Variants in GIPR observed in about 807,000 individuals in gnomAD.
GIPR encodes gastric inhibitory polypeptide receptor.
Under a neutral mutation model 62.2 loss-of-function variants are expected in GIPR, and 74 were observed. The observed-to-expected ratio is 1.19, with a 90% CI of 0.99 to 1.44. The LOEUF is 1.44. Ranked by LOEUF, GIPR falls within the 40% of genes most tolerant of loss-of-function variation. The pLI is 0.00. For missense variants in GIPR, 664 were observed against 611.8 expected (o/e 1.09, Z -0.90); for synonymous variants, 256 against 262.2 (o/e 0.98, Z 0.23).
Position 45,669,543 on chromosome 19 carries a change from A to C in GIPR, c.23A>C (p.Gln8Pro). MTTSPIL[Q>P]LLLRLSLCGL... The stretch of plus-strand genomic sequence containing the variant: ...ACGATGACTACCTCTCCGATCCTGC[A>C]GCTGCTGCTGCGGCTCTCACTGTGC... The change falls in exon 2 of 14, where the codon CAG (glutamine) becomes CCG (proline). Residue 8 changes from glutamine to proline, a missense_variant. Physicochemically the swap from Gln to Pro is moderately conservative, Grantham distance 76. Transcript: ENST00000590918. The C allele has an allele frequency of 6.3e-7, 1 of 1,581,232 alleles. No individual in the cohort carries two copies. The highest frequency in any genetic ancestry group is 8.6e-7 in the Non-Finnish European group (1 of 1,166,530).
chr19:45,676,996 G>A lies in GIPR; in HGVS notation c.681G>A (p.Val227=), dbSNP rs751765962. 9.3e-6 allele frequency: 15 copies of A among 1,614,098 alleles called. No homozygotes were observed. Among genetic ancestry groups the A allele is most frequent in the Non-Finnish European group, 1.3e-5 (15 of 1,179,984 alleles). The change falls in exon 8 of 14, where the codon GTG becomes GTA. Residue 227 remains valine, a synonymous_variant. Transcript: ENST00000590918. ...CCCAGATCGTGACCCAGTACTGCGT[G>A]GGTGCCAACTACACGTGGCTGCTGG... The part of the protein sequence containing the change: ...RTAQIVTQYC[V]GANYTWLLVE...
At position 45,671,318 on chromosome 19, in the gene GIPR, T is replaced by C; in HGVS notation, c.206T>C (p.Val69Ala). ...LACNGSFDMYVCWDYAAPNAT... is the reference protein window; with the variant it reads ...LACNGSFDMYACWDYAAPNAT... ...TGTAACGGGTCCTTCGATATGTACG[T>C]CTGCTGGGACTATGCTGCACCCAAT... Residue 69 changes from valine (V) to alanine (A), a missense_variant, in exon 4 of 14, where the codon GTC becomes GCC. Coordinates refer to ENST00000590918, the MANE Select transcript of GIPR (RefSeq NM_000164.4). 6.2e-7 allele frequency: 1 copy of C among 1,612,906 alleles called. No homozygotes were observed. The highest frequency in any genetic ancestry group is 8.5e-7 in the Non-Finnish European group (1 of 1,179,740).
chr19:45,673,238 G>A (rs1357333661), intron 5 of GIPR, among the ~76,000 whole-genome samples: 1 of 151,678 alleles, frequency 6.6e-6, no homozygotes. Context: ...TGGCCAACAT[G>A]TCAAAACCCC....
In GIPR at chr19:45,681,848, C is replaced by T. The variant is rs1202792995; in HGVS notation, c.1314C>T (p.Gly438=). The change falls in exon 14 of 14, where the codon GGC becomes GGT. Residue 438 remains glycine (G), a synonymous_variant. Transcript: ENST00000590918. ...CCCTGCCCTCCGGCTCCGGCCCGGG[C>T]GAGGTCCCCACCAGCCGCGGCTTGT... is the stretch of plus-strand genomic sequence containing the variant. ...FRALPSGSGP[G]EVPTSRGLSS... is the part of the protein sequence containing the mutation. The T allele has an allele frequency of 6.4e-7, 1 of 1,554,138 alleles. No individual in the cohort carries two copies. Among genetic ancestry groups the T allele is most frequent in the African/African-American group, 1.4e-5 (1 of 73,610 alleles).
In GIPR at chr19:45,678,165, A is replaced by G. The variant is rs1041059613; in HGVS notation, c.1091A>G (p.Gln364Arg). The G allele has an allele frequency of 1.2e-6, 2 of 1,605,856 alleles. No homozygotes were observed. The highest frequency in any genetic ancestry group is 1.7e-5 in the Admixed American group (1 of 58,816). ...EVVFAPVTEE[Q>R]ARGALRFAKL... ...GTGTTTGCTCCCGTGACAGAGGAAC[A>G]GGCCCGGGGCGCCCTGCGCTTCGCC... The change falls in exon 12 of 14, where the codon CAG becomes CGG. Residue 364 changes from glutamine (Q) to arginine (R), a missense_variant. Transcript: ENST00000590918.
intron 2 of GIPR, 124 bp downstream of exon 2, chr19:45,669,716 C>G (rs974474470): frequency 6.8e-6 from 9 of 1,316,926 alleles, no homozygotes; most frequent in African/African-American, 1.5e-5. Flanking sequence ...GAGGCCGAAG[C>G]GGGTGGATCA....
At chr19:45,669,439 G>A in intron 1 of GIPR, 38 bp from the exon 2 acceptor site, 5 of 1,529,176 alleles carry the variant, frequency 3.3e-6, no homozygotes, top group Non-Finnish European at 4.4e-6. Flanking sequence ...GTTGGAGTAG[G>A]AGGGCAGAGG....
chr19:45,676,922 C>T, intron 7 of GIPR, 27 bp from the exon 8 acceptor site: 1 of 1,610,826 alleles, frequency 6.2e-7, no homozygotes, highest in Non-Finnish European at 8.5e-7. Flanking sequence ...CGCTGACTAC[C>T]CCTCTACCGG....
At chr19:45,675,600 T>C (rs1975804487) in intron 7 of GIPR, among the ~76,000 whole-genome samples, 1 of 111,962 alleles carries the variant, frequency 8.9e-6, no homozygotes, top group African/African-American at 3.4e-5. Context: ...AAAAAAGCCA[T>C]AGCGTGGCCC....
chr19:45,677,585 T>C, intron 9 of GIPR, 125 bp from the exon 10 acceptor site: 1 of 888,260 alleles, frequency 1.1e-6, no homozygotes, highest in Non-Finnish European at 1.9e-6. Flanking sequence ...TGGATCGTAA[T>C]GGGCGGGACC....
At position 45,682,066 on chromosome 19, in the gene GIPR, G is replaced by A. The variant is rs569699589; in HGVS notation, c.*131G>A. ...AAAAGGTCCCTGCCCTTCTGGAGAT[G>A]ACAACTGAGTGGGGAAAACAGACCG... On this transcript the variant is annotated 3_prime_UTR_variant, in exon 14 of 14. Transcript: ENST00000590918. The A allele has an allele frequency of 2.2e-4, 165 of 757,740 alleles. 1 individual carries two copies. The African/African-American group carries it at 2.4e-3, about 11-fold the overall frequency. 46.9% of individuals were successfully genotyped at this position (757,740 alleles called of 1,614,324 possible).
chr19:45,669,534 C>T lies in GIPR; in HGVS notation c.14C>T (p.Pro5Leu), dbSNP rs1568515736. Residue 5 changes from proline to leucine, a missense_variant, in exon 2 of 14, where the codon CCG (proline) becomes CTG (leucine). Coordinates refer to ENST00000590918, the MANE Select transcript of GIPR (RefSeq NM_000164.4). ...GCCGCCCTCACGATGACTACCTCTC[C>T]GATCCTGCAGCTGCTGCTGCGGCTC... is the stretch of plus-strand genomic sequence containing the variant. MTTS[P>L]ILQLLLRLSL... 3.2e-6 allele frequency: 5 copies of T among 1,578,246 alleles called. No individual in the cohort carries two copies. Among genetic ancestry groups the T allele is most frequent in the Non-Finnish European group, 4.3e-6 (5 of 1,165,028 alleles).
In GIPR at chr19:45,677,918, AT is replaced by A. The variant is rs1568525948; in HGVS notation, c.942del (p.Phe314LeufsTer12). 6.2e-7 allele frequency: 1 copy of A among 1,613,432 alleles called. No individual in the cohort carries two copies. The highest frequency in any genetic ancestry group is 1.3e-5 in the African/African-American group (1 of 74,896). On this transcript the variant is annotated frameshift_variant, in exon 11 of 14. Transcript: ENST00000590918. LOFTEE classifies it high-confidence loss of function. ...TCTCTCCCCACAGATTAATTTCCTCATTTTTATCCGCATTCTTGGCATTCTC... is the reference window on the plus strand; with the variant it reads ...TCTCTCCCCACAGATTAATTTCCTCATTTTATCCGCATTCTTGGCATTCTC... ...ILMTILINFLIFIRILGILLS... is the reference protein window; with the variant it reads ...ILMTILINFLXFIRILGILLS...
chr19:45,679,772 A>G (rs1269812161), intron 12 of GIPR, among the ~76,000 whole-genome samples: 1 of 145,062 alleles, frequency 6.9e-6, no homozygotes, highest in Middle Eastern at 3.5e-3. Flanking sequence ...ACACTTGACT[A>G]ATTTTTTTTT....
At chr19:45,669,452 C>T (rs1456302469) in intron 1 of GIPR, 25 bp from the exon 2 acceptor site, 2 of 1,537,504 alleles carry the variant, frequency 1.3e-6, no homozygotes, top group Admixed American at 2.0e-5. Context: ...GGCAGAGGTG[C>T]TGACCTTGCC....
At chr19:45,673,096 A>G in intron 5 of GIPR, 142 bp downstream of exon 5, 1 of 668,812 alleles carries the variant, frequency 1.5e-6, no homozygotes, top group Admixed American at 2.3e-5. Flanking sequence ...TGCTTCAAAG[A>G]GAGAAAGATG....
chr19:45,671,115 C>T (rs1289116927), intron 3 of GIPR, among the ~76,000 whole-genome samples, 170 bp from the exon 4 acceptor site: 2 of 151,724 alleles, frequency 1.3e-5, no homozygotes, highest in Non-Finnish European at 2.9e-5. Flanking sequence ...AGCTTGTGGC[C>T]GAGCCGGGAC....
Position 45,671,395 on chromosome 19 carries a change from G to T in GIPR, c.280+3G>T. Reference sequence around the variant, plus strand: ...GTACCTGCCCTGGCACCACCATGGTGAGGTGCTCCCTGGGCCCGGAGCCCT... The same window carrying T: ...GTACCTGCCCTGGCACCACCATGGTTAGGTGCTCCCTGGGCCCGGAGCCCT... On this transcript the variant is annotated splice_donor_region_variant and intron_variant, in intron 4 of 13. Transcript: ENST00000590918. 1 of 1,585,658 alleles carries T rather than the reference G, an allele frequency of 6.3e-7. No individual in the cohort carries two copies.
At chr19:45,669,277 G>A (rs1975412133) in intron 1 of GIPR, among the ~76,000 whole-genome samples, 200 bp from the exon 2 acceptor site, 1 of 152,178 alleles carries the variant, frequency 6.6e-6, no homozygotes, top group Non-Finnish European at 1.5e-5. Flanking sequence ...CCCACCACCG[G>A]AGTTCCACCC....
Sources: gnomAD v4.1 joint callset for allele counts (sites outside exome capture counted in the v4.1 genomes callset) on GRCh38, gnomAD v4.1.1 for gene constraint, MANE v1.5 for transcripts, NCBI Gene and HGNC (gene_info 2026-07-23, HGNC 2026-07-21) for gene names.